The following SLC30A10 variants were observed in gnomAD, a reference collection of about 807,000 sequenced individuals.
The protein encoded by SLC30A10 is solute carrier family 30 member 10.
SLC30A10 carries 8 observed loss-of-function variants against 21.7 expected under a neutral mutation model. The ratio of observed to expected loss-of-function variants is 0.37; its 90% confidence interval spans 0.22 to 0.67. SLC30A10 has a LOEUF of 0.67. Among genes scored for constraint, SLC30A10 ranks in the 30% least tolerant of loss-of-function variants. The pLI is 0.58. For synonymous variants in SLC30A10, 272 were observed against 279.4 expected (o/e 0.97, Z 0.26); for missense variants, 521 against 642.5 (o/e 0.81, Z 2.04).
intron 2 of SLC30A10, among the ~76,000 whole-genome samples, chr1:219,919,279 A>T (rs1354037361): frequency 6.6e-5 from 10 of 152,226 alleles, no homozygotes; most frequent in Non-Finnish European, 1.5e-4. Context: ...TTGGTCAGAA[A>T]AATTATAAAA....
intron 1 of SLC30A10, among the ~76,000 whole-genome samples, chr1:219,936,893 G>A (rs1660052957): frequency 6.6e-6 from 1 of 152,158 alleles, no homozygotes; most frequent in Non-Finnish European, 1.5e-5. Flanking sequence ...AATTCTGAAA[G>A]TGGCTTAGCC....
At chr1:219,932,255 G>T (rs1471288113), upstream of SLC30A10, among the ~76,000 whole-genome samples, 1 of 151,966 alleles carries the variant, frequency 6.6e-6, no homozygotes, top group Non-Finnish European at 1.5e-5. Flanking sequence ...GTGGAGATGG[G>T]GCGTGAGCCA....
At position 219,927,677 on chromosome 1, in the gene SLC30A10, AC is replaced by A. The variant is rs1300938818; in HGVS notation, c.640+123del. 741 of 522,836 alleles carry A rather than the reference AC, an allele frequency of 1.4e-3. 8 individuals are homozygous for A. In the African/African-American group the frequency reaches 0.025, roughly 18 times the overall value. The allele number at this position is 522,836 out of a possible 1,614,324, so 32.4% of individuals were successfully genotyped here. On this transcript the variant is annotated intron_variant, in intron 1 of 3. Transcript: ENST00000366926. ...AAAAAAAAAAAAAAAAACAACAACAACAAAAAAAAAAAAACAGAAAAAAAGC... is the reference window on the plus strand; with the variant it reads ...AAAAAAAAAAAAAAAAACAACAACAAAAAAAAAAAAAAACAGAAAAAAAGC...
intron 1 of SLC30A10, among the ~76,000 whole-genome samples, chr1:219,956,574 GAGGCCAAGC>G (rs1432394862): frequency 3.3e-5 from 5 of 151,738 alleles, no homozygotes; most frequent in African/African-American, 1.2e-4. Flanking sequence ...AGTGCTTTGG[GAGGCCAAGC>G]AGGTGGATCA....
At position 219,914,847 on chromosome 1, in the gene SLC30A10, C is replaced by A. The variant is rs1659495526; in HGVS notation, c.*602G>T. ...TCACCTCACAAAATGTAGAGATGGC[C>A]AACGCCCTCCTACTAACCTTTACCT... On this transcript the variant is annotated 3_prime_UTR_variant, in exon 4 of 4. Coordinates refer to ENST00000366926, the MANE Select transcript of SLC30A10 (RefSeq NM_018713.3). 6.6e-6 allele frequency: 1 copy of A among 152,278 alleles called. No individual in the cohort carries two copies. The highest frequency in any genetic ancestry group is 2.4e-5 in the African/African-American group (1 of 41,444). 9.4% of individuals were successfully genotyped at this position (152,278 alleles called of 1,614,324 possible). A position where few individuals can be genotyped will look rare whatever the true frequency, so the allele number is the denominator to read the frequency against.
intron 1 of SLC30A10, among the ~76,000 whole-genome samples, chr1:219,957,963 C>T (rs1008722173): frequency 2.0e-5 from 3 of 152,146 alleles, no homozygotes; most frequent in African/African-American, 2.4e-5. Flanking sequence ...ACAGAACAGA[C>T]GTATGCAATA....
At chr1:219,922,178 T>TGTGTG (rs1558252084) in intron 2 of SLC30A10, among the ~76,000 whole-genome samples, 12 of 36,690 alleles carry the variant, frequency 3.3e-4, no homozygotes, top group African/African-American at 8.8e-4. Context: ...GTGTGTGTGT[T>TGTGTG]TTTTTTTTTT....
chr1:219,950,012 G>A (rs1332301157), intron 1 of SLC30A10, among the ~76,000 whole-genome samples: 1 of 152,096 alleles, frequency 6.6e-6, no homozygotes, highest in Non-Finnish European at 1.5e-5. Context: ...AGAAAATGGG[G>A]AGTATCATTA....
chr1:219,922,216 T>G (rs1248895843), intron 2 of SLC30A10, among the ~76,000 whole-genome samples: 27 of 49,714 alleles, frequency 5.4e-4, no homozygotes, highest in East Asian at 4.5e-3. Context: ...TTTTTTTTTT[T>G]TTTTTTTTTT....
intron 2 of SLC30A10, among the ~76,000 whole-genome samples, chr1:219,926,575 C>A (rs182484346): frequency 2.6e-5 from 4 of 152,270 alleles, no homozygotes; most frequent in Non-Finnish European, 5.9e-5. Flanking sequence ...AGTGAGCCAA[C>A]GGTCCCTTCA....
Position 219,912,568 on chromosome 1 carries a change from C to T in SLC30A10, c.*2881G>A, listed in dbSNP as rs577836732. On this transcript the variant is annotated 3_prime_UTR_variant, in exon 4 of 4. Transcript: ENST00000366926. Reference sequence around the variant, plus strand: ...TGTCAGTTCTGGCCGGGCGCAGTGGCTTACGCCTGTAATCCCAGCACTTTG... The same window carrying T: ...TGTCAGTTCTGGCCGGGCGCAGTGGTTTACGCCTGTAATCCCAGCACTTTG... Among the ~76,000 whole-genome samples, 1 of 152,174 alleles carries T rather than the reference C, an allele frequency of 6.6e-6. No individual in the cohort carries two copies. Among genetic ancestry groups the T allele is most frequent in the African/African-American group, 2.4e-5 (1 of 41,432 alleles).
At chr1:219,927,741 G>C in intron 1 of SLC30A10, 60 bp downstream of exon 1, 1 of 1,422,680 alleles carries the variant, frequency 7.0e-7, no homozygotes, top group Non-Finnish European at 9.2e-7. Context: ...GAGAAGAAAG[G>C]GACCGGGTGG....
At chr1:219,917,515 G>C (rs1016542244) in intron 3 of SLC30A10, among the ~76,000 whole-genome samples, 2 of 152,032 alleles carry the variant, frequency 1.3e-5, no homozygotes, top group Non-Finnish European at 2.9e-5. Context: ...GAGACACAGT[G>C]ACTTGCATGC....
chr1:219,927,905 G>A lies in SLC30A10; in HGVS notation c.536C>T (p.Ala179Val). 2.0e-6 allele frequency: 3 copies of A among 1,538,166 alleles called. No individual in the cohort carries two copies. The highest frequency in any genetic ancestry group is 1.2e-5 in the South Asian group (1 of 82,982). The stretch of plus-strand genomic sequence containing the variant: ...CGAGCCTGGGGCTGTCGGGTCCGCC[G>A]CGCGCCGCGGGTCCTCCGCGCCCTG... Reference protein sequence around the residue: ...GPQGAEDPRRAADPTAPGSDS... With the variant: ...GPQGAEDPRRVADPTAPGSDS... The change falls in exon 1 of 4, where the codon GCG becomes GTG. Residue 179 changes from alanine (A) to valine (V), a missense_variant. Physicochemically the swap from Ala to Val is moderately conservative, Grantham distance 64. Coordinates refer to ENST00000366926, the MANE Select transcript of SLC30A10 (RefSeq NM_018713.3).
Position 219,915,694 on chromosome 1 carries a change from T to A in SLC30A10, c.1213A>T (p.Ile405Phe). 1.2e-6 allele frequency: 2 copies of A among 1,614,218 alleles called. No individual in the cohort carries two copies. Among genetic ancestry groups the A allele is most frequent in the Non-Finnish European group, 1.7e-6 (2 of 1,180,034 alleles). The change falls in exon 4 of 4, where the codon ATC becomes TTC. Residue 405 changes from isoleucine to phenylalanine, a missense_variant. Ile to Phe is a conservative substitution (Grantham distance 21). Transcript: ENST00000366926. ...AGCTGCTTAGCACAGCCCTTGGAGA[T>A]GCAGGGTGAGTTGCAGAGCAACAGT... is the stretch of plus-strand genomic sequence containing the variant. ...DLLLLCNSPC[I>F]SKGCAKQLCC... is the part of the protein sequence containing the mutation.
At position 219,915,377 on chromosome 1, in the gene SLC30A10, A is replaced by C. The variant is rs1199101356; in HGVS notation, c.*72T>G. 3.2e-6 allele frequency: 5 copies of C among 1,547,460 alleles called. No individual in the cohort carries two copies. The highest frequency in any genetic ancestry group is 4.4e-6 in the Non-Finnish European group (5 of 1,144,138). On this transcript the variant is annotated 3_prime_UTR_variant, in exon 4 of 4. Coordinates refer to ENST00000366926, the MANE Select transcript of SLC30A10 (RefSeq NM_018713.3). ...TCTAGTCTGGGCCTACAACCCAGAA[A>C]GCTCTTTTTGTGAGCCAAGCTTGTG...
rs1277132516 is a variant in SLC30A10, at chr1:219,913,168, A to C, written c.*2281T>G. ...GTGGCAAATGCAAGCCACTCAACCCAATACAAAATTATTGCACTTAGCATG... is the reference window on the plus strand; with the variant it reads ...GTGGCAAATGCAAGCCACTCAACCCCATACAAAATTATTGCACTTAGCATG... On this transcript the variant is annotated 3_prime_UTR_variant, in exon 4 of 4. Coordinates refer to ENST00000366926, the MANE Select transcript of SLC30A10 (RefSeq NM_018713.3). 6.6e-6 allele frequency among the ~76,000 whole-genome samples: 1 copy of C among 152,270 alleles called. No homozygotes were observed. Among genetic ancestry groups the C allele is most frequent in the African/African-American group, 2.4e-5 (1 of 41,474 alleles).
At chr1:219,934,965 A>G (rs1217171789) in intron 1 of SLC30A10, among the ~76,000 whole-genome samples, 1 of 152,216 alleles carries the variant, frequency 6.6e-6, no homozygotes, top group Non-Finnish European at 1.5e-5. Flanking sequence ...GAAAGGGGTT[A>G]TGGCTACTAG....
At chr1:219,953,464 C>T (rs1660299090) in intron 1 of SLC30A10, among the ~76,000 whole-genome samples, 1 of 151,586 alleles carries the variant, frequency 6.6e-6, no homozygotes, top group African/African-American at 2.4e-5. Context: ...GGTGTGGTGG[C>T]ACAAGCCTGT....
Sources: allele counts gnomAD v4.1 joint callset (sites outside exome capture counted in the v4.1 genomes callset), GRCh38; gene constraint gnomAD v4.1.1; transcripts MANE v1.5; gene names NCBI Gene and HGNC (gene_info 2026-07-23, HGNC 2026-07-21).